Variants in ST8SIA2 observed in about 807,000 individuals in gnomAD.
ST8SIA2 encodes ST8 alpha-N-acetyl-neuraminide alpha-2,8-sialyltransferase 2.
Under a neutral mutation model 37.6 loss-of-function variants are expected in ST8SIA2, and 22 were observed. The ratio of observed to expected loss-of-function variants is 0.58; its 90% CI spans 0.42 to 0.83. The LOEUF is 0.83. ST8SIA2 is among the 40% of genes least tolerant of loss of function. The pLI, the probability that ST8SIA2 is intolerant of heterozygous loss-of-function variation, is 0.00. For missense variants in ST8SIA2, 382 were observed against 484.7 expected, an observed-to-expected ratio of 0.79 and a Z score of 1.99; for synonymous variants, 205 against 201.2, an observed-to-expected ratio of 1.02 and a Z score of -0.16.
At chr15:92,436,829 C>T (rs369527570) in intron 3 of ST8SIA2, among the ~76,000 whole-genome samples, 9 of 152,168 alleles carry the variant, frequency 5.9e-5, no homozygotes, top group South Asian at 4.1e-4. Flanking sequence ...GCCGAGCTTA[C>T]CAAGTGTTCT....
chr15:92,412,030 G>C (rs931967466), intron 1 of ST8SIA2, among the ~76,000 whole-genome samples: 1 of 152,154 alleles, frequency 6.6e-6, no homozygotes, highest in African/African-American at 2.4e-5. Flanking sequence ...TTACAGACGA[G>C]GGCCTCAGGC....
At chr15:92,394,803 G>T (rs1596224819) in intron 1 of ST8SIA2, among the ~76,000 whole-genome samples, 1 of 152,186 alleles carries the variant, frequency 6.6e-6, no homozygotes, top group East Asian at 1.9e-4. Context: ...CCTGGCTTTG[G>T]ACGTTCAGCC....
At chr15:92,450,714 C>T (rs750674690) in intron 5 of ST8SIA2, among the ~76,000 whole-genome samples, 9 of 152,224 alleles carry the variant, frequency 5.9e-5, no homozygotes, top group Non-Finnish European at 1.2e-4. Context: ...ATGATCTAAT[C>T]ACCTCCCACC....
At chr15:92,436,087 C>A (rs1050184573) in intron 3 of ST8SIA2, among the ~76,000 whole-genome samples, 7 of 152,168 alleles carry the variant, frequency 4.6e-5, no homozygotes, top group Admixed American at 4.6e-4. Context: ...TATAAGGACA[C>A]CTGTCATTGT....
rs377119605 is a variant in ST8SIA2, at chr15:92,464,292, G to T, written c.1035G>T (p.Pro345=). 3 of 1,613,956 alleles carry T rather than the reference G, an allele frequency of 1.9e-6. No homozygotes were observed. The highest frequency in any genetic ancestry group is 2.2e-5 in the East Asian group (1 of 44,860). ...LKYGYTSQAS[P]HTMPLEFKAL... is the part of the protein sequence containing the mutation. Reference sequence around the variant, plus strand: ...ATGGCTACACCTCCCAGGCCAGCCCGCATACCATGCCCTTGGAGTTTAAGG... The same window carrying T: ...ATGGCTACACCTCCCAGGCCAGCCCTCATACCATGCCCTTGGAGTTTAAGG... The change falls in exon 6 of 6, where the codon CCG becomes CCT. Residue 345 remains proline (P), a synonymous_variant. Coordinates refer to ENST00000268164, the MANE Select transcript of ST8SIA2 (RefSeq NM_006011.4).
chr15:92,431,247 A>C (rs902351457), intron 2 of ST8SIA2, among the ~76,000 whole-genome samples: 1 of 152,216 alleles, frequency 6.6e-6, no homozygotes, highest in Non-Finnish European at 1.5e-5. Context: ...GAGGGGCCAC[A>C]GTCTCATATG....
intron 5 of ST8SIA2, among the ~76,000 whole-genome samples, chr15:92,457,335 A>G (rs2049926981): frequency 6.6e-6 from 1 of 152,184 alleles, no homozygotes; most frequent in African/African-American, 2.4e-5. Flanking sequence ...CAGCCCAGGA[A>G]CCCAGGGAAA....
intron 3 of ST8SIA2, among the ~76,000 whole-genome samples, chr15:92,435,006 C>T (rs1479531510): frequency 6.6e-6 from 1 of 152,150 alleles, no homozygotes; most frequent in African/African-American, 2.4e-5. Flanking sequence ...AATGGGGAAC[C>T]GTAGAGAAGG....
chr15:92,455,540 G>A (rs1002545223), intron 5 of ST8SIA2, among the ~76,000 whole-genome samples: 18 of 152,154 alleles, frequency 1.2e-4, no homozygotes, highest in Admixed American at 8.5e-4. Flanking sequence ...TTACACCTAC[G>A]GAACGTGGTT....
At chr15:92,461,672 G>A (rs552057688) in intron 5 of ST8SIA2, among the ~76,000 whole-genome samples, 1 of 152,348 alleles carries the variant, frequency 6.6e-6, no homozygotes, top group South Asian at 2.1e-4. Context: ...GGGTGCAAGT[G>A]TTGGTGGGAG....
intron 1 of ST8SIA2, among the ~76,000 whole-genome samples, chr15:92,413,207 G>T (rs2049562395): frequency 6.6e-6 from 1 of 152,174 alleles, no homozygotes; most frequent in African/African-American, 2.4e-5. Flanking sequence ...AGAAAGGCAT[G>T]TTAATTGAAA....
chr15:92,408,940 A>G (rs2049529389), intron 1 of ST8SIA2, among the ~76,000 whole-genome samples: 1 of 152,124 alleles, frequency 6.6e-6, no homozygotes, highest in Middle Eastern at 3.4e-3. Flanking sequence ...TCCTGACCTC[A>G]TGATCCGCCC....
intron 4 of ST8SIA2, among the ~76,000 whole-genome samples, chr15:92,441,611 ACACACACACG>A (rs1347490820): frequency 3.3e-4 from 50 of 151,014 alleles, no homozygotes; most frequent in African/African-American, 1.0e-3. Context: ...ACACACACAC[ACACACACACG>A]CACTTCTTCC....
In ST8SIA2 at chr15:92,465,148, T is replaced by C. The variant is rs1425763061; in HGVS notation, c.*763T>C. 2.6e-5 allele frequency: 4 copies of C among 152,528 alleles called. No homozygotes were observed. Among genetic ancestry groups the C allele is most frequent in the African/African-American group, 4.8e-5 (2 of 41,422 alleles). 9.4% of individuals were successfully genotyped at this position (152,528 alleles called of 1,614,324 possible). A position where few individuals can be genotyped will look rare whatever the true frequency, so the allele number is the denominator to read the frequency against. On this transcript the variant is annotated 3_prime_UTR_variant, in exon 6 of 6. Transcript: ENST00000268164. ...TGAAGAGGAGTAATGTTCCGAATCA[T>C]GTTTTTGAAAAATCAAGACCTCCTG...
Position 92,444,631 on chromosome 15 carries a change from G to C in ST8SIA2, c.549-5G>C. On this transcript the variant is annotated splice_polypyrimidine_tract_variant and splice_region_variant and intron_variant, in intron 4 of 5. Transcript: ENST00000268164. ...AAAGGATCATGTTGCCTTTTTCTCC[G>C]GCAGGTGCAACCTGGCCCCAGTACA... The C allele has an allele frequency of 6.2e-7, 1 of 1,614,196 alleles. No individual in the cohort carries two copies. The highest frequency in any genetic ancestry group is 8.5e-7 in the Non-Finnish European group (1 of 1,180,028).
At chr15:92,414,545 C>T (rs2049573078) in intron 1 of ST8SIA2, among the ~76,000 whole-genome samples, 1 of 152,236 alleles carries the variant, frequency 6.6e-6, no homozygotes, top group Admixed American at 6.5e-5. Context: ...GCATGCGATG[C>T]TTAACATCTC....
At chr15:92,455,435 A>T (rs1266188362) in intron 5 of ST8SIA2, among the ~76,000 whole-genome samples, 2 of 152,268 alleles carry the variant, frequency 1.3e-5, no homozygotes, top group East Asian at 3.9e-4. Context: ...TTAAAGTAAA[A>T]AGCCAACTCC....
At chr15:92,421,718 A>C (rs1419612775) in intron 1 of ST8SIA2, among the ~76,000 whole-genome samples, 1 of 152,220 alleles carries the variant, frequency 6.6e-6, no homozygotes, top group Non-Finnish European at 1.5e-5. Context: ...AAAGTTCCCC[A>C]GTGCTTTAAA....
chr15:92,439,012 G>A (rs2049781133), intron 4 of ST8SIA2, among the ~76,000 whole-genome samples: 1 of 152,204 alleles, frequency 6.6e-6, no homozygotes, highest in Non-Finnish European at 1.5e-5. Flanking sequence ...TACAAGGAGA[G>A]TGGAGTCACT....
Sources: allele counts gnomAD v4.1 joint callset (sites outside exome capture counted in the v4.1 genomes callset), GRCh38; gene constraint gnomAD v4.1.1; transcripts MANE v1.5; gene names NCBI Gene and HGNC (gene_info 2026-07-23, HGNC 2026-07-21).